TEC: variants seen among roughly 807,000 people sequenced by gnomAD.
TEC encodes the protein tec protein tyrosine kinase.
Under a neutral mutation model 93.0 loss-of-function variants are expected in TEC, and 72 were observed. The observed-to-expected ratio is 0.77, with a 90% CI of 0.64 to 0.94. The LOEUF (loss-of-function observed/expected upper bound fraction) is 0.94, where lower values mean the gene tolerates loss of function less well. Among genes scored for constraint, TEC ranks in the 40% least tolerant of loss-of-function variants. TEC has a pLI of 0.00. For missense variants in TEC, 630 were observed against 757.9 expected (o/e 0.83, Z 1.98); for synonymous variants, 249 against 247.7 (o/e 1.01, Z -0.05).
chr4:48,190,323 A>G (rs1398642305), intron 2 of TEC, among the ~76,000 whole-genome samples: 2 of 152,198 alleles, frequency 1.3e-5, no homozygotes, highest in African/African-American at 4.8e-5. Context: ...CACTCTCTAC[A>G]ACAAATTTCA....
intron 2 of TEC, among the ~76,000 whole-genome samples, chr4:48,206,315 A>G (rs564912402): frequency 4.7e-4 from 72 of 152,330 alleles, no homozygotes; most frequent in African/African-American, 1.6e-3. Context: ...TAAAATGGTT[A>G]CAAGAGTAAA....
intron 2 of TEC, among the ~76,000 whole-genome samples, chr4:48,199,985 GAGAA>G (rs1275434914): frequency 6.6e-6 from 1 of 152,002 alleles, no homozygotes. Flanking sequence ...ATGAGAATGA[GAGAA>G]AGAGACTGAA....
intron 1 of TEC, among the ~76,000 whole-genome samples, chr4:48,265,473 A>G (rs1372955837): frequency 6.8e-6 from 1 of 146,624 alleles, no homozygotes; most frequent in Non-Finnish European, 1.5e-5. Flanking sequence ...ACACACACAT[A>G]TATACGTGTG....
chr4:48,139,153 A>T, intron 15 of TEC, 131 bp from the exon 16 acceptor site: 1 of 760,850 alleles, frequency 1.3e-6, no homozygotes. Context: ...GGTTGAAGCT[A>T]AATGTTCACC....
chr4:48,253,657 C>T (rs1255986363), intron 1 of TEC, among the ~76,000 whole-genome samples: 3 of 151,274 alleles, frequency 2.0e-5, no homozygotes, highest in Non-Finnish European at 4.4e-5. Context: ...CTGCAACCTC[C>T]TCCACCTCCC....
At chr4:48,156,507 G>A (rs882715) in intron 9 of TEC, among the ~76,000 whole-genome samples, 173 bp downstream of exon 9, 118,708 of 152,142 alleles carry the variant, frequency 0.78, 46,417 homozygotes, top group East Asian at 0.92. Context: ...CTAGAAACTG[G>A]ATTTGTCAGC....
chr4:48,234,537 GAGA>G (rs1199787455), intron 1 of TEC, among the ~76,000 whole-genome samples: 4 of 152,146 alleles, frequency 2.6e-5, no homozygotes, highest in African/African-American at 9.7e-5. Context: ...AATGTATGGG[GAGA>G]AGATTTATAA....
chr4:48,182,389 C>T (rs1344738847), intron 2 of TEC, among the ~76,000 whole-genome samples: 2 of 151,982 alleles, frequency 1.3e-5, no homozygotes, highest in African/African-American at 4.8e-5. Flanking sequence ...GCTTACTAGA[C>T]TGAAAATCAT....
intron 2 of TEC, among the ~76,000 whole-genome samples, chr4:48,216,478 C>T (rs1723084945): frequency 6.6e-6 from 1 of 150,620 alleles, no homozygotes; most frequent in Non-Finnish European, 1.5e-5. Flanking sequence ...ACTCAAGTTA[C>T]ACAAATTGTG....
Position 48,215,685 on chromosome 4 carries a change from T to C in TEC, c.138+12792A>G, listed in dbSNP as rs115026592. Among the ~76,000 whole-genome samples the C allele has an allele frequency of 7.0e-3, 1,059 of 152,278 alleles. 11 individuals carry two copies. The highest frequency in any genetic ancestry group is 0.024 in the African/African-American group (998 of 41,542). On this transcript the variant is annotated intron_variant, in intron 2 of 17. Transcript: ENST00000381501. ...CAATGGGTTTATCAAGAGGTAACCCTGTCGTAAGACAAAGAGCATCGGTAT... is the reference window on the plus strand; with the variant it reads ...CAATGGGTTTATCAAGAGGTAACCCCGTCGTAAGACAAAGAGCATCGGTAT...
intron 2 of TEC, among the ~76,000 whole-genome samples, chr4:48,177,555 C>A (rs977287401): frequency 6.6e-6 from 1 of 152,190 alleles, no homozygotes; most frequent in Non-Finnish European, 1.5e-5. Context: ...CCTCATTCAC[C>A]TGGGCCATCA....
Position 48,196,850 on chromosome 4 carries a change from G to A in TEC, c.139-20664C>T, listed in dbSNP as rs1055688874. Among the ~76,000 whole-genome samples, 14 of 152,146 alleles carry A rather than the reference G, an allele frequency of 9.2e-5. 1 individual carries two copies. Among genetic ancestry groups the A allele is most frequent in the Non-Finnish European group, 1.5e-4 (10 of 68,024 alleles). ...CTTACAATTCTGTTTTTAAAATGAC[G>A]GTTGATGCTTCATGTGACTCCACTA... On this transcript the variant is annotated intron_variant, in intron 2 of 17. Coordinates refer to ENST00000381501, the MANE Select transcript of TEC (RefSeq NM_003215.3).
At chr4:48,201,586 A>T (rs1394384597) in intron 2 of TEC, among the ~76,000 whole-genome samples, 4 of 152,192 alleles carry the variant, frequency 2.6e-5, no homozygotes, top group Non-Finnish European at 1.5e-5. Context: ...CTAATTATTT[A>T]TTGCACAAGC....
chr4:48,142,140 T>C (rs571867097), intron 14 of TEC, among the ~76,000 whole-genome samples: 20 of 152,282 alleles, frequency 1.3e-4, no homozygotes, highest in African/African-American at 4.8e-4. Context: ...CAATCTCTTA[T>C]CCAATATTTC....
chr4:48,204,974 CT>C (rs1363274622), intron 2 of TEC, among the ~76,000 whole-genome samples: 2 of 152,152 alleles, frequency 1.3e-5, no homozygotes, highest in Non-Finnish European at 2.9e-5. Context: ...ATCCCCACCC[CT>C]GACACAGTTG....
chr4:48,193,858 A>G (rs1722186189), intron 2 of TEC, among the ~76,000 whole-genome samples: 1 of 151,990 alleles, frequency 6.6e-6, no homozygotes. Flanking sequence ...TATCAAGAGG[A>G]ACTTGGGAGA....
Position 48,136,705 on chromosome 4 carries a change from G to A in TEC, c.*711C>T, listed in dbSNP as rs937597966. ...CTCTTCAGGCATATTTGATGTTCAGGGGGAAATGAATTAACAGCTATAAGG... is the reference window on the plus strand; with the variant it reads ...CTCTTCAGGCATATTTGATGTTCAGAGGGAAATGAATTAACAGCTATAAGG... On this transcript the variant is annotated 3_prime_UTR_variant, in exon 18 of 18. Coordinates refer to ENST00000381501, the MANE Select transcript of TEC (RefSeq NM_003215.3). 11 of 151,988 alleles carry A rather than the reference G, an allele frequency of 7.2e-5. No homozygotes were observed. The highest frequency in any genetic ancestry group is 2.7e-4 in the African/African-American group (11 of 41,384). 9.4% of individuals were successfully genotyped at this position (151,988 alleles called of 1,614,324 possible).
chr4:48,239,983 T>TGTGTGC (rs777854163), intron 1 of TEC, among the ~76,000 whole-genome samples: 1 of 53,144 alleles, frequency 1.9e-5, no homozygotes, highest in African/African-American at 9.8e-5. Flanking sequence ...GCTCTGTGAG[T>TGTGTGC]GTGTGTGTGT....
chr4:48,182,965 G>C (rs1189462023), intron 2 of TEC, among the ~76,000 whole-genome samples: 1 of 152,142 alleles, frequency 6.6e-6, no homozygotes, highest in Non-Finnish European at 1.5e-5. Flanking sequence ...GGAAAGGCTT[G>C]CCAGGGTGTC....
Sources: allele counts gnomAD v4.1 joint callset (sites outside exome capture counted in the v4.1 genomes callset), GRCh38; gene constraint gnomAD v4.1.1; transcripts MANE v1.5; gene names NCBI Gene and HGNC (gene_info 2026-07-23, HGNC 2026-07-21).